RBFOX1: variants seen among roughly 807,000 people sequenced by gnomAD.
RBFOX1 encodes the protein RNA binding protein fox-1 homolog 1.
RBFOX1 carries 8 observed loss-of-function variants against 57.7 expected under a neutral mutation model. The observed-to-expected ratio is 0.14, with a 90% confidence interval of 0.08 to 0.25. RBFOX1 has a LOEUF of 0.25. Ranked by LOEUF, RBFOX1 falls within the 10% of genes least tolerant of loss-of-function variation. RBFOX1 has a pLI of 1.00. For missense variants in RBFOX1, 611 were observed against 548.5 expected (o/e 1.11, Z -1.14); for synonymous variants, 326 against 222.4 (o/e 1.47, Z -4.15).
intron 2 of RBFOX1, among the ~76,000 whole-genome samples, chr16:6,372,064 A>G (rs944021684): frequency 6.6e-6 from 1 of 152,182 alleles, no homozygotes; most frequent in African/African-American, 2.4e-5. Flanking sequence ...ATGGTTGGTT[A>G]GGATCATTGG....
At chr16:5,599,235 C>A (rs757328405) in exon 3 of RBFOX1, 2 of 686,058 alleles carry the variant, frequency 2.9e-6, no homozygotes, top group Non-Finnish European at 5.3e-6. Context: ...AGATCCGGGG[C>A]ACAGTGGTTG....
intron 3 of RBFOX1, among the ~76,000 whole-genome samples, chr16:5,775,333 C>T (rs1011074128): frequency 1.3e-5 from 2 of 152,124 alleles, no homozygotes; most frequent in African/African-American, 4.8e-5. Flanking sequence ...TTCAAGTTTT[C>T]TGGGCCTGAT....
At chr16:6,230,522 A>C (rs1273175073) in intron 1 of RBFOX1, among the ~76,000 whole-genome samples, 1 of 152,100 alleles carries the variant, frequency 6.6e-6, no homozygotes, top group Non-Finnish European at 1.5e-5. Flanking sequence ...AACCGCCCCA[A>C]AGCCTAGAGG....
chr16:7,474,447 G>GTT (rs1262224192), intron 4 of RBFOX1, among the ~76,000 whole-genome samples: 106 of 152,274 alleles, frequency 7.0e-4, no homozygotes, highest in African/African-American at 2.5e-3. Context: ...TACAATTAAG[G>GTT]ATAACATCTC....
intron 4 of RBFOX1, among the ~76,000 whole-genome samples, chr16:7,102,768 G>C (rs2062908917): frequency 6.6e-6 from 1 of 152,076 alleles, no homozygotes; most frequent in African/African-American, 2.4e-5. Flanking sequence ...TAAGAATGAA[G>C]TATCACTTGT....
At chr16:5,966,893 C>T (rs1469130321) in intron 4 of RBFOX1, among the ~76,000 whole-genome samples, 1 of 148,036 alleles carries the variant, frequency 6.8e-6, no homozygotes, top group Non-Finnish European at 1.5e-5. Context: ...GTCCTCTTCC[C>T]AAACAGCCTT....
At chr16:7,607,409 G>A in intron 10 of RBFOX1, 71 bp downstream of exon 10, 8 of 1,408,992 alleles carry the variant, frequency 5.7e-6, no homozygotes, top group Non-Finnish European at 6.9e-6. Context: ...AAGAATGAAT[G>A]AGTTTTGTAA....
chr16:6,893,322 C>G (rs2065965177), intron 3 of RBFOX1, among the ~76,000 whole-genome samples: 1 of 152,144 alleles, frequency 6.6e-6, no homozygotes. Flanking sequence ...CCCTAGAGAT[C>G]AAACTCATAT....
intron 4 of RBFOX1, among the ~76,000 whole-genome samples, chr16:7,389,381 C>T (rs1370161132): frequency 6.6e-6 from 1 of 152,192 alleles, no homozygotes; most frequent in Non-Finnish European, 1.5e-5. Context: ...CCACCTCAGC[C>T]TCCCAAAGCA....
chr16:7,225,316 A>T (rs1189840350), intron 4 of RBFOX1, among the ~76,000 whole-genome samples: 5 of 152,098 alleles, frequency 3.3e-5, no homozygotes, highest in Non-Finnish European at 7.4e-5. Flanking sequence ...GAGATAGCCG[A>T]ATCATGGGGG....
chr16:7,287,960 A>T (rs2095683373), intron 4 of RBFOX1, among the ~76,000 whole-genome samples: 1 of 152,122 alleles, frequency 6.6e-6, no homozygotes, highest in African/African-American at 2.4e-5. Flanking sequence ...GAAATGAGTG[A>T]TGTGTGACTG....
intron 2 of RBFOX1, among the ~76,000 whole-genome samples, chr16:6,523,059 C>G (rs1045570153): frequency 6.6e-6 from 1 of 152,156 alleles, no homozygotes; most frequent in Admixed American, 6.6e-5. Flanking sequence ...GCATTTAATA[C>G]GTTTATTCAT....
At chr16:6,604,577 A>C (rs1043554699) in intron 2 of RBFOX1, among the ~76,000 whole-genome samples, 3 of 152,246 alleles carry the variant, frequency 2.0e-5, no homozygotes, top group African/African-American at 4.8e-5. Context: ...GTAAATAGCA[A>C]GGTAAAGCAA....
intron 3 of RBFOX1, among the ~76,000 whole-genome samples, chr16:5,735,862 C>G (rs570748168): frequency 2.0e-5 from 3 of 152,220 alleles, no homozygotes; most frequent in South Asian, 2.1e-4. Context: ...GGTGACAGAG[C>G]AAGACTCTGT....
At chr16:7,019,822 T>C (rs893322474) in intron 3 of RBFOX1, among the ~76,000 whole-genome samples, 9 of 152,170 alleles carry the variant, frequency 5.9e-5, no homozygotes, top group African/African-American at 2.2e-4. Flanking sequence ...CCTGAACATA[T>C]GATTCTCTCT....
chr16:6,376,565 T>G (rs1342453502), intron 2 of RBFOX1, among the ~76,000 whole-genome samples: 3 of 152,284 alleles, frequency 2.0e-5, no homozygotes, highest in East Asian at 3.9e-4. Flanking sequence ...TCTGTTTACA[T>G]TGGTGTCTGT....
chr16:7,692,996 A>G lies in RBFOX1; in HGVS notation c.996-16060A>G, dbSNP rs1013682504. ...CATTTTAAAAAGTAATCTCTTTAGCATAGAAAGTCATATGAGCACAATTTG... is the reference window on the plus strand; with the variant it reads ...CATTTTAAAAAGTAATCTCTTTAGCGTAGAAAGTCATATGAGCACAATTTG... On this transcript the variant is annotated intron_variant, in intron 14 of 15. Coordinates refer to ENST00000550418, the MANE Select transcript of RBFOX1 (RefSeq NM_018723.4). 3.3e-5 allele frequency among the ~76,000 whole-genome samples: 5 copies of G among 152,140 alleles called. No homozygotes were observed. In the East Asian group the frequency reaches 7.7e-4, roughly 23 times the overall value.
intron 3 of RBFOX1, among the ~76,000 whole-genome samples, chr16:6,977,709 GA>G (rs764664962): frequency 1.6e-4 from 25 of 152,104 alleles, no homozygotes; most frequent in Non-Finnish European, 3.2e-4. Flanking sequence ...TGATTGAAAT[GA>G]ATTGAAATTG....
At chr16:5,923,530 CTT>C (rs71404564) in intron 4 of RBFOX1, among the ~76,000 whole-genome samples, 9 of 109,374 alleles carry the variant, frequency 8.2e-5, no homozygotes, top group African/African-American at 1.7e-4. Context: ...CAGAGCCAGG[CTT>C]TTTTTTTTTT....
Sources: gnomAD v4.1 joint callset for allele counts (sites outside exome capture counted in the v4.1 genomes callset) on GRCh38, gnomAD v4.1.1 for gene constraint, MANE v1.5 for transcripts, NCBI Gene and HGNC (gene_info 2026-07-23, HGNC 2026-07-21) for gene names.